ERMP1: variants seen among roughly 807,000 people sequenced by gnomAD.
ERMP1 encodes Felix-ina.
In ERMP1, 86 loss-of-function variants were observed where a neutral mutation model predicts 92.0. That is an observed-to-expected ratio of 0.93 (90% CI 0.79 to 1.12). The LOEUF (loss-of-function observed/expected upper bound fraction) is 1.12. Among genes scored for constraint, ERMP1 ranks in the 50% most tolerant of loss-of-function variants. ERMP1 has a pLI of 0.00. For synonymous variants in ERMP1, 530 were observed against 412.8 expected (o/e 1.28, Z -3.44); for missense variants, 1,342 against 1,116.3 (o/e 1.20, Z -2.88).
Position 5,832,552 on chromosome 9 carries a change from A to C in ERMP1, c.338+138T>G, listed in dbSNP as rs1586828768. On this transcript the variant is annotated intron_variant, in intron 1 of 14. Transcript: ENST00000339450. ...GAAGAAGGACAAGCAAGGTCACCCC[A>C]CCCCACGTGCAGCCTGGGAGGGGTC... The C allele has an allele frequency of 4.8e-6, 3 of 630,792 alleles. No individual in the cohort carries two copies. In the East Asian group the frequency reaches 1.0e-4, roughly 22 times the overall value. The allele number at this position is 630,792 out of a possible 1,614,324, so 39.1% of individuals were successfully genotyped here.
intron 13 of ERMP1, among the ~76,000 whole-genome samples, chr9:5,790,169 C>CTTTT (rs371493040): frequency 5.5e-5 from 7 of 126,784 alleles, no homozygotes; most frequent in African/African-American, 2.0e-4. Context: ...AAAACAATAC[C>CTTTT]TTTTTTTTTT....
At chr9:5,834,721 G>GTGTGTA (rs1371608111), upstream of ERMP1, among the ~76,000 whole-genome samples, 1 of 150,130 alleles carries the variant, frequency 6.7e-6, no homozygotes, top group East Asian at 2.0e-4. Context: ...GTGTGTGTGT[G>GTGTGTA]TGTGTGTGTG....
chr9:5,831,173 C>A (rs1489372421), intron 1 of ERMP1, 145 bp from the exon 2 acceptor site: 1 of 623,846 alleles, frequency 1.6e-6, no homozygotes, highest in African/African-American at 1.8e-5. Context: ...TTATTTCAGA[C>A]ACCAAGTGAA....
intron 6 of ERMP1, among the ~76,000 whole-genome samples, chr9:5,840,021 C>T (rs1023997940): frequency 2.0e-5 from 3 of 152,176 alleles, no homozygotes; most frequent in Non-Finnish European, 2.9e-5. Context: ...GTGGGCGAAT[C>T]ACTTGAGGTC....
chr9:5,790,013 C>T (rs1362724170), intron 13 of ERMP1, among the ~76,000 whole-genome samples: 4 of 151,910 alleles, frequency 2.6e-5, no homozygotes, highest in South Asian at 4.2e-4. Flanking sequence ...TTAATATATC[C>T]AAATGTATTA....
intron 13 of ERMP1, among the ~76,000 whole-genome samples, chr9:5,796,627 A>C (rs1373619587): frequency 6.6e-6 from 1 of 152,210 alleles, no homozygotes; most frequent in Non-Finnish European, 1.5e-5. Context: ...GTCAGTCGAA[A>C]AAGGCTACAT....
At chr9:5,844,407 T>G (rs1048020110) in intron 6 of ERMP1, among the ~76,000 whole-genome samples, 13 of 152,208 alleles carry the variant, frequency 8.5e-5, no homozygotes, top group Non-Finnish European at 7.3e-5. Flanking sequence ...TCTGAGTAGC[T>G]CTTATTATAG....
chr9:5,834,697 G>A (rs1830061766), upstream of ERMP1, among the ~76,000 whole-genome samples: 1 of 136,522 alleles, frequency 7.3e-6, no homozygotes, highest in African/African-American at 2.7e-5. Context: ...CTATATGTAT[G>A]TATATATGTG....
chr9:5,849,546 T>A (rs1402428720), intron 6 of ERMP1, among the ~76,000 whole-genome samples: 1 of 152,228 alleles, frequency 6.6e-6, no homozygotes, highest in Non-Finnish European at 1.5e-5. Context: ...TGGTTCTGTG[T>A]ACACTAATTG....
intron 2 of ERMP1, among the ~76,000 whole-genome samples, chr9:5,825,424 T>A (rs1829695493): frequency 6.6e-6 from 1 of 152,182 alleles, no homozygotes; most frequent in Non-Finnish European, 1.5e-5. Context: ...GCTCACTGAC[T>A]TACTCTCAAT....
chr9:5,856,209 G>T (rs6477005), intron 6 of ERMP1: 201,197 of 292,776 alleles, frequency 0.69, 69,932 homozygotes, highest in Middle Eastern at 0.81. Context: ...CCAGTGCTGG[G>T]CATACCTGTT....
rs550194658 is a variant in ERMP1, at chr9:5,789,129, G to A, written c.2387-1536C>T. The stretch of plus-strand genomic sequence containing the variant: ...AACTGTAATCCAAGAAAGCATTCCA[G>A]AAACAAAAAGAGAGCTGAATCTACA... On this transcript the variant is annotated intron_variant, in intron 13 of 14. Coordinates refer to ENST00000339450, the MANE Select transcript of ERMP1 (RefSeq NM_024896.3). 6.6e-5 allele frequency among the ~76,000 whole-genome samples: 10 copies of A among 151,588 alleles called. No homozygotes were observed. In the East Asian group the frequency reaches 1.9e-3, roughly 29 times the overall value.
At chr9:5,800,338 A>G (rs1828620642) in intron 11 of ERMP1, among the ~76,000 whole-genome samples, 1 of 152,192 alleles carries the variant, frequency 6.6e-6, no homozygotes, top group Admixed American at 6.6e-5. Flanking sequence ...GCTTTATAGT[A>G]CCAGGTCTAA....
At chr9:5,790,781 G>A (rs1280461345) in intron 13 of ERMP1, among the ~76,000 whole-genome samples, 1 of 152,124 alleles carries the variant, frequency 6.6e-6, no homozygotes. Flanking sequence ...ACTACAGGAG[G>A]CGTATAGAAG....
intron 7 of ERMP1, among the ~76,000 whole-genome samples, chr9:5,810,777 A>C (rs984957574): frequency 6.6e-6 from 1 of 152,232 alleles, no homozygotes; most frequent in Non-Finnish European, 1.5e-5. Flanking sequence ...CAGTTCATTC[A>C]TACTTCGTGA....
chr9:5,844,214 G>A (rs1399981049), intron 6 of ERMP1, among the ~76,000 whole-genome samples: 1 of 152,196 alleles, frequency 6.6e-6, no homozygotes, highest in Non-Finnish European at 1.5e-5. Context: ...CCCAGACTCA[G>A]ATGTAAGTGG....
intron 5 of ERMP1, among the ~76,000 whole-genome samples, chr9:5,812,428 G>A (rs1829132794): frequency 6.6e-6 from 1 of 152,120 alleles, no homozygotes; most frequent in African/African-American, 2.4e-5. Context: ...AATGATTGAA[G>A]AAGTATATTA....
At chr9:5,838,675 T>A (rs1830122161) in intron 6 of ERMP1, among the ~76,000 whole-genome samples, 1 of 151,924 alleles carries the variant, frequency 6.6e-6, no homozygotes, top group South Asian at 2.1e-4. Flanking sequence ...CTTAAGCATA[T>A]AAAAATAAGA....
chr9:5,857,237 G>T (rs1358374202), intron 6 of ERMP1, among the ~76,000 whole-genome samples: 3 of 152,042 alleles, frequency 2.0e-5, no homozygotes, highest in Non-Finnish European at 4.4e-5. Flanking sequence ...GCCCAGGCTG[G>T]TCTCAAACCC....
Sources: gnomAD v4.1 joint callset for allele counts (sites outside exome capture counted in the v4.1 genomes callset) on GRCh38, gnomAD v4.1.1 for gene constraint, MANE v1.5 for transcripts, NCBI Gene and HGNC (gene_info 2026-07-23, HGNC 2026-07-21) for gene names.